The following XRCC4 variants were observed in gnomAD, a reference collection of about 807,000 sequenced individuals.
The protein encoded by XRCC4 is X-ray repair cross complementing 4.
Under a neutral mutation model 39.1 loss-of-function variants are expected in XRCC4, and 28 were observed. The ratio of observed to expected loss-of-function variants is 0.72; its 90% confidence interval spans 0.53 to 0.98. XRCC4 has a LOEUF of 0.98. Among genes scored for constraint, XRCC4 ranks in the 50% least tolerant of loss-of-function variants. The pLI is 0.00. For missense variants in XRCC4, 350 were observed against 376.4 expected, an observed-to-expected ratio of 0.93 and a Z score of 0.58; for synonymous variants, 123 against 126.4, an observed-to-expected ratio of 0.97 and a Z score of 0.18.
chr5:83,209,083 A>AGTGTGTGTGTGTGT (rs35019637), intron 6 of XRCC4, among the ~76,000 whole-genome samples: 1 of 143,586 alleles, frequency 7.0e-6, no homozygotes, highest in Non-Finnish European at 1.5e-5. Context: ...CTCCAAAGTG[A>AGTGTGTGTGTGTGT]GTGTGTGTGT....
At chr5:83,246,860 CTT>C (rs1472274176) in intron 6 of XRCC4, among the ~76,000 whole-genome samples, 2 of 152,118 alleles carry the variant, frequency 1.3e-5, no homozygotes, top group African/African-American at 4.8e-5. Context: ...AGATAGATAA[CTT>C]TATGAGGCGT....
At chr5:83,304,994 G>A (rs941680798) in intron 7 of XRCC4, among the ~76,000 whole-genome samples, 1 of 152,134 alleles carries the variant, frequency 6.6e-6, no homozygotes, top group East Asian at 1.9e-4. Flanking sequence ...TTAGTTACCT[G>A]AGCAAGGTCT....
intron 6 of XRCC4, among the ~76,000 whole-genome samples, chr5:83,234,801 T>C (rs971558723): frequency 6.6e-6 from 1 of 152,040 alleles, no homozygotes; most frequent in African/African-American, 2.4e-5. Flanking sequence ...TAAAGGTATG[T>C]AATTTGACAT....
intron 6 of XRCC4, 38 bp from the exon 7 acceptor site, chr5:83,258,492 A>C (rs747111598): frequency 6.3e-7 from 1 of 1,594,874 alleles, no homozygotes; most frequent in South Asian, 1.2e-5. Flanking sequence ...GATGTGCATA[A>C]TTTTGTTGGG....
chr5:83,162,746 G>A (rs941712320), intron 3 of XRCC4, among the ~76,000 whole-genome samples: 5 of 151,992 alleles, frequency 3.3e-5, no homozygotes, highest in Non-Finnish European at 5.9e-5. Flanking sequence ...GGCAGTTCAC[G>A]CCTAACAATG....
chr5:83,142,169 G>A (rs899910777), intron 3 of XRCC4, among the ~76,000 whole-genome samples: 4 of 152,092 alleles, frequency 2.6e-5, no homozygotes, highest in Admixed American at 1.3e-4. Flanking sequence ...CTCCTTTTCT[G>A]TGCTTAATAA....
chr5:83,093,190 TA>T (rs1199748416), intron 1 of XRCC4, among the ~76,000 whole-genome samples: 1 of 152,086 alleles, frequency 6.6e-6, no homozygotes, highest in African/African-American at 2.4e-5. Flanking sequence ...GAAAATACTT[TA>T]AGTCAAAAGC....
At chr5:83,104,278 A>G (rs1469832148) in intron 1 of XRCC4, among the ~76,000 whole-genome samples, 2 of 152,128 alleles carry the variant, frequency 1.3e-5, no homozygotes, top group East Asian at 3.9e-4. Flanking sequence ...CAACTTTTTC[A>G]TTCCAGACAG....
At chr5:83,297,189 A>T (rs1755124687) in intron 7 of XRCC4, among the ~76,000 whole-genome samples, 1 of 152,000 alleles carries the variant, frequency 6.6e-6, no homozygotes, top group Admixed American at 6.6e-5. Context: ...AATTATACTA[A>T]AAGTGTTAGT....
intron 3 of XRCC4, among the ~76,000 whole-genome samples, chr5:83,164,873 T>C (rs1749386714): frequency 1.3e-5 from 2 of 152,130 alleles, no homozygotes; most frequent in South Asian, 4.1e-4. Flanking sequence ...AAGCTATAAG[T>C]AGTTGTAGCT....
At chr5:83,192,241 GTA>G (rs1750732724) in intron 3 of XRCC4, among the ~76,000 whole-genome samples, 2 of 125,504 alleles carry the variant, frequency 1.6e-5, no homozygotes, top group Non-Finnish European at 1.8e-5. Context: ...GTATGTATAT[GTA>G]CATATTATAT....
chr5:83,245,818 C>T (rs932206537), intron 6 of XRCC4, among the ~76,000 whole-genome samples: 21 of 130,610 alleles, frequency 1.6e-4, no homozygotes, highest in African/African-American at 5.0e-4. Context: ...GTTCTCTTTC[C>T]CCCACTTTTC....
At chr5:83,304,831 A>T (rs893823647) in intron 7 of XRCC4, among the ~76,000 whole-genome samples, 2 of 152,220 alleles carry the variant, frequency 1.3e-5, no homozygotes, top group South Asian at 2.1e-4. Flanking sequence ...ATTGGCTAGT[A>T]TATCTACCTA....
At chr5:83,244,879 A>C (rs1198746612) in intron 6 of XRCC4, among the ~76,000 whole-genome samples, 1 of 152,208 alleles carries the variant, frequency 6.6e-6, no homozygotes, top group Non-Finnish European at 1.5e-5. Flanking sequence ...AAACATCTTA[A>C]ACATAAGTTT....
chr5:83,313,613 C>T (rs1580500345), intron 7 of XRCC4, among the ~76,000 whole-genome samples: 1 of 152,102 alleles, frequency 6.6e-6, no homozygotes, highest in Non-Finnish European at 1.5e-5. Context: ...CCAACACTAA[C>T]TCTGCTCCAG....
At chr5:83,246,211 C>G (rs1281505368) in intron 6 of XRCC4, among the ~76,000 whole-genome samples, 1 of 151,874 alleles carries the variant, frequency 6.6e-6, no homozygotes, top group Non-Finnish European at 1.5e-5. Context: ...TTCTTCTTTT[C>G]TACTTTTCCA....
chr5:83,212,663 C>T (rs901400299), intron 6 of XRCC4, among the ~76,000 whole-genome samples: 1 of 152,140 alleles, frequency 6.6e-6, no homozygotes, highest in African/African-American at 2.4e-5. Context: ...CATGGTGGCT[C>T]ACACCTGTAA....
intron 3 of XRCC4, among the ~76,000 whole-genome samples, chr5:83,154,897 CTT>C (rs1748884272): frequency 6.6e-6 from 1 of 152,156 alleles, no homozygotes; most frequent in Admixed American, 6.5e-5. Context: ...ACTGTCATCT[CTT>C]ATCATTCGCA....
chr5:83,357,181 T>C (rs1580545456), downstream of XRCC4, among the ~76,000 whole-genome samples: 2 of 152,318 alleles, frequency 1.3e-5, no homozygotes, highest in African/African-American at 4.8e-5. Flanking sequence ...TCAACAAATA[T>C]TTGTAAGTAT....
Sources: allele counts gnomAD v4.1 joint callset (sites outside exome capture counted in the v4.1 genomes callset), GRCh38; gene constraint gnomAD v4.1.1; transcripts MANE v1.5; gene names NCBI Gene and HGNC (gene_info 2026-07-23, HGNC 2026-07-21).